NPTN: variants seen among roughly 807,000 people sequenced by gnomAD.
NPTN encodes the protein SDR-1.
Under a neutral mutation model 42.7 loss-of-function variants are expected in NPTN, and 5 were observed. The observed-to-expected ratio is 0.12, with a 90% CI of 0.06 to 0.25. The LOEUF is 0.25. Among genes scored for constraint, NPTN ranks in the 10% least tolerant of loss-of-function variants. The pLI is 1.00. For synonymous variants in NPTN, 180 were observed against 201.9 expected, an observed-to-expected ratio of 0.89 and a Z score of 0.92; for missense variants, 307 against 525.4, an observed-to-expected ratio of 0.58 and a Z score of 4.06.
intron 1 of NPTN, among the ~76,000 whole-genome samples, chr15:73,614,978 G>A (rs1232427083): frequency 6.6e-6 from 1 of 151,948 alleles, no homozygotes; most frequent in East Asian, 1.9e-4. Flanking sequence ...AACAAGCAAG[G>A]GAATAAATTT....
At chr15:73,593,020 T>C (rs1156246627) in intron 2 of NPTN, among the ~76,000 whole-genome samples, 1 of 152,104 alleles carries the variant, frequency 6.6e-6, no homozygotes, top group Non-Finnish European at 1.5e-5. Context: ...TTCTCTATCC[T>C]TGCCCCCCAT....
chr15:73,619,502 C>T (rs978440310), intron 1 of NPTN, among the ~76,000 whole-genome samples: 4 of 152,174 alleles, frequency 2.6e-5, no homozygotes, highest in Non-Finnish European at 5.9e-5. Flanking sequence ...CAATACATTA[C>T]TGTAGTATTA....
intron 6 of NPTN, chr15:73,567,677 G>A: frequency 1.0e-6 from 1 of 985,410 alleles, no homozygotes; most frequent in South Asian, 4.7e-5. Flanking sequence ...GCGGGCAGGG[G>A]TGGAAGCAGG....
At chr15:73,587,502 C>G in intron 4 of NPTN, 22 bp downstream of exon 4, 1 of 1,574,896 alleles carries the variant, frequency 6.3e-7, no homozygotes, top group South Asian at 1.1e-5. Flanking sequence ...AGGCTCACAC[C>G]ACAGCCTCTG....
chr15:73,586,551 T>C (rs1032210221), intron 4 of NPTN, among the ~76,000 whole-genome samples: 2 of 152,218 alleles, frequency 1.3e-5, no homozygotes, highest in Non-Finnish European at 2.9e-5. Flanking sequence ...AATGGAAACT[T>C]TGAATGTGTC....
intron 4 of NPTN, among the ~76,000 whole-genome samples, chr15:73,580,400 TTA>T (rs1303418461): frequency 4.8e-5 from 5 of 104,694 alleles, no homozygotes; most frequent in Admixed American, 2.0e-4. Context: ...AATATATATA[TTA>T]TATATATAAT....
In NPTN at chr15:73,590,884, T is replaced by A. The variant is rs568312992; in HGVS notation, c.611+1082A>T. Among the ~76,000 whole-genome samples the A allele has an allele frequency of 2.0e-5, 3 of 152,170 alleles. No individual in the cohort carries two copies. The East Asian group carries it at 5.8e-4, about 29-fold the overall frequency. ...AATCCTTTCCAAACTATGAGGAAAA[T>A]TGCTGAGGCTAAATTTCTAATTTTT... On this transcript the variant is annotated intron_variant, in intron 3 of 8. Transcript: ENST00000345330.
At chr15:73,611,554 T>G (rs140873786) in intron 1 of NPTN, among the ~76,000 whole-genome samples, 1 of 151,888 alleles carries the variant, frequency 6.6e-6, no homozygotes, top group Non-Finnish European at 1.5e-5. Flanking sequence ...GGCAAAACTA[T>G]AGAGACAATA....
In NPTN at chr15:73,569,745, C is replaced by T; in HGVS notation, c.1114+405G>A. On this transcript the variant is annotated intron_variant, in intron 6 of 8. Transcript: ENST00000345330. The surrounding 1 kb of genome is among the most constrained non-coding windows in gnomAD (Gnocchi z 4.1). ...TCTGCCTGAAAGGCCAGGTGGCCTG[C>T]CATCTTGGGGTGGCTTCTAGGCTTG... 1 of 985,304 alleles carries T rather than the reference C, an allele frequency of 1.0e-6. No individual in the cohort carries two copies. Among genetic ancestry groups the T allele is most frequent in the Non-Finnish European group, 1.2e-6 (1 of 829,876 alleles). 61.0% of individuals were successfully genotyped at this position (985,304 alleles called of 1,614,324 possible).
chr15:73,588,039 A>C (rs1178776228), intron 3 of NPTN, among the ~76,000 whole-genome samples: 4 of 152,192 alleles, frequency 2.6e-5, no homozygotes, highest in Admixed American at 6.5e-5. Flanking sequence ...CAGGAGTTCA[A>C]GACCAGCCTG....
chr15:73,579,209 G>A (rs543245262), intron 4 of NPTN, among the ~76,000 whole-genome samples: 1 of 151,106 alleles, frequency 6.6e-6, no homozygotes, highest in Non-Finnish European at 1.5e-5. Context: ...AACCCAAGAG[G>A]TGGAGCTTGC....
chr15:73,585,241 A>T (rs1394672750), intron 4 of NPTN, among the ~76,000 whole-genome samples: 1 of 152,218 alleles, frequency 6.6e-6, no homozygotes, highest in Non-Finnish European at 1.5e-5. Flanking sequence ...GAGGCCACTG[A>T]TGTTCTCGGA....
rs1894619878 is a variant in NPTN at position 73,560,876 on chromosome 15, T to G, written c.*187A>C. 6.6e-6 allele frequency: 1 copy of G among 152,194 alleles called. No individual in the cohort carries two copies. The highest frequency in any genetic ancestry group is 1.5e-5 in the Non-Finnish European group (1 of 67,956). 9.4% of individuals were successfully genotyped at this position (152,194 alleles called of 1,614,324 possible). A position where few individuals can be genotyped will look rare whatever the true frequency, so the allele number is the denominator to read the frequency against. ...CCAAAATAGTTTACACCTTCTACAC[T>G]GAAGCATTGTTTAAAATGTACCTGG... On this transcript the variant is annotated 3_prime_UTR_variant, in exon 9 of 9. Transcript: ENST00000345330.
rs1595936119 is a variant in NPTN, at chr15:73,597,962, C to A, written c.92-593G>T. On this transcript the variant is annotated intron_variant, in intron 1 of 8. Coordinates refer to ENST00000345330, the MANE Select transcript of NPTN (RefSeq NM_012428.4). The surrounding 1 kb of genome is among the most constrained non-coding windows in gnomAD (Gnocchi z 6.3). ...GCAAATTTCTCTCTCACACAGGATT[C>A]TATCCTGGGTTCGATTAGACTTTCT... 6.6e-6 allele frequency among the ~76,000 whole-genome samples: 1 copy of A among 152,288 alleles called. No individual in the cohort carries two copies.
intron 1 of NPTN, among the ~76,000 whole-genome samples, chr15:73,625,291 T>C (rs1898339544): frequency 6.6e-6 from 1 of 152,216 alleles, no homozygotes; most frequent in Non-Finnish European, 1.5e-5. Flanking sequence ...TAAATTTCTA[T>C]TAGTCAAAAA....
chr15:73,629,524 A>G (rs1242141452), intron 1 of NPTN, among the ~76,000 whole-genome samples: 2 of 152,132 alleles, frequency 1.3e-5, no homozygotes, highest in African/African-American at 2.4e-5. Context: ...TAATGCAAAT[A>G]CTGGCATTAT....
chr15:73,568,305 G>A, intron 6 of NPTN: 2 of 985,446 alleles, frequency 2.0e-6, no homozygotes, highest in Non-Finnish European at 2.4e-6. Context: ...AGCCAGCCTT[G>A]CCTTAAAATT....
rs1007958244 is a variant in NPTN, at chr15:73,567,798, T to G, written c.1114+2352A>C. ...AGTGGAGCCTGGCCCACACTGGCTG[T>G]CAGGAAGGGAAGGAGAGAAGGCAAA... On this transcript the variant is annotated intron_variant, in intron 6 of 8. Transcript: ENST00000345330. 4.1e-6 allele frequency: 4 copies of G among 985,122 alleles called. No homozygotes were observed. In the African/African-American group the frequency reaches 7.0e-5, roughly 17 times the overall value. 61.0% of individuals were successfully genotyped at this position (985,122 alleles called of 1,614,324 possible).
chr15:73,626,673 T>G (rs1898430338), intron 1 of NPTN, among the ~76,000 whole-genome samples: 3 of 152,242 alleles, frequency 2.0e-5, no homozygotes, highest in African/African-American at 7.2e-5. Context: ...GCCTTATTAG[T>G]ATTCTATCAG....
Sources: gnomAD v4.1 joint callset for allele counts (sites outside exome capture counted in the v4.1 genomes callset) on GRCh38, gnomAD v4.1.1 for gene constraint, Gnocchi (gnomAD v3.1) non-coding constraint, MANE v1.5 for transcripts, NCBI Gene and HGNC (gene_info 2026-07-23, HGNC 2026-07-21) for gene names.